Variants in FSTL5 observed in about 807,000 individuals in gnomAD.
The protein encoded by FSTL5 is follistatin like 5.
Under a neutral mutation model 89.1 loss-of-function variants are expected in FSTL5, and 62 were observed. That is an observed-to-expected ratio of 0.70 (90% confidence interval 0.57 to 0.86). The LOEUF is 0.86. Ranked by LOEUF, FSTL5 falls within the 40% of genes least tolerant of loss-of-function variation. FSTL5 has a pLI of 0.00. For synonymous variants in FSTL5, 383 were observed against 346.2 expected (o/e 1.11, Z -1.18); for missense variants, 1,057 against 1,001.6 (o/e 1.06, Z -0.75).
chr4:161,802,970 T>C (rs886804280), intron 4 of FSTL5, among the ~76,000 whole-genome samples: 5 of 151,956 alleles, frequency 3.3e-5, no homozygotes, highest in African/African-American at 1.2e-4. Context: ...AATTAAAATA[T>C]AAAACACACA....
intron 9 of FSTL5, among the ~76,000 whole-genome samples, chr4:161,540,316 T>TGACCTTTCCAGTTAGG (rs1731776562): frequency 6.6e-6 from 1 of 152,184 alleles, no homozygotes; most frequent in Admixed American, 6.6e-5. Flanking sequence ...TCATTTCACT[T>TGACCTTTCCAGTTAGG]GACCTTTCCA....
intron 4 of FSTL5, among the ~76,000 whole-genome samples, chr4:161,909,916 C>T (rs1036732207): frequency 3.3e-5 from 5 of 152,052 alleles, no homozygotes; most frequent in Admixed American, 2.6e-4. Context: ...ATACTGAATA[C>T]TGAATATTGA....
intron 3 of FSTL5, among the ~76,000 whole-genome samples, chr4:161,974,372 C>A (rs1279529797): frequency 1.3e-5 from 2 of 150,250 alleles, no homozygotes; most frequent in Non-Finnish European, 3.0e-5. Flanking sequence ...CTACAGTAAC[C>A]AAAACAGCAT....
chr4:161,992,467 G>A (rs1437833377), intron 3 of FSTL5, among the ~76,000 whole-genome samples: 1 of 152,054 alleles, frequency 6.6e-6, no homozygotes, highest in Admixed American at 6.6e-5. Flanking sequence ...AGAGAAGGAA[G>A]GAGTAACCAT....
chr4:161,842,389 A>G (rs774733539), intron 4 of FSTL5, among the ~76,000 whole-genome samples: 9 of 152,224 alleles, frequency 5.9e-5, no homozygotes, highest in Non-Finnish European at 1.3e-4. Flanking sequence ...GTTACAAATC[A>G]TCCAGTAACA....
chr4:161,848,135 T>C (rs558177112), intron 4 of FSTL5, among the ~76,000 whole-genome samples: 55 of 151,582 alleles, frequency 3.6e-4, no homozygotes, highest in African/African-American at 1.3e-3. Context: ...GTCTGCAGCA[T>C]TGCAAACTTA....
At chr4:161,976,496 T>G (rs1356994817) in intron 3 of FSTL5, among the ~76,000 whole-genome samples, 4 of 152,170 alleles carry the variant, frequency 2.6e-5, no homozygotes, top group Admixed American at 6.5e-5. Flanking sequence ...TTGTTGTTGT[T>G]GCTGAGTCGG....
rs1397293159 is a variant in FSTL5, at chr4:161,529,509, A to C, written c.1312+8657T>G. Among the ~76,000 whole-genome samples, 3 of 142,584 alleles carry C rather than the reference A, an allele frequency of 2.1e-5. 1 individual carries two copies. In the Admixed American group the frequency reaches 2.3e-4, roughly 11 times the overall value. The allele number at this position is 142,584 out of a possible 152,430, so 93.5% of individuals were successfully genotyped here. A position where few individuals can be genotyped will look rare whatever the true frequency, so the allele number is the denominator to read the frequency against. On this transcript the variant is annotated intron_variant, in intron 10 of 15. Transcript: ENST00000306100. ...TCTTCATCTTAAGACATTTTATTTC[A>C]TAATAACCTTATTGCTATATAAATC...
At chr4:161,845,679 T>C (rs1731344125) in intron 4 of FSTL5, among the ~76,000 whole-genome samples, 1 of 152,234 alleles carries the variant, frequency 6.6e-6, no homozygotes, top group Non-Finnish European at 1.5e-5. Context: ...GTTTATAATG[T>C]AACTCATTAC....
intron 4 of FSTL5, among the ~76,000 whole-genome samples, chr4:161,801,694 AT>A (rs1729798609): frequency 6.6e-6 from 1 of 150,996 alleles, no homozygotes; most frequent in African/African-American, 2.4e-5. Context: ...ATATATAAAT[AT>A]TTATAAGTAT....
intron 8 of FSTL5, among the ~76,000 whole-genome samples, chr4:161,563,873 G>A (rs1180073173): frequency 6.6e-6 from 1 of 151,922 alleles, no homozygotes; most frequent in Non-Finnish European, 1.5e-5. Flanking sequence ...AGTTTTCTAA[G>A]TAGTAGCGCC....
At chr4:161,574,332 T>C (rs1005976487) in intron 8 of FSTL5, among the ~76,000 whole-genome samples, 7 of 150,398 alleles carry the variant, frequency 4.7e-5, no homozygotes, top group African/African-American at 1.7e-4. Flanking sequence ...CTTTCCTTTT[T>C]CTTTTTTTTT....
chr4:161,525,026 G>T (rs1731170181), intron 10 of FSTL5, among the ~76,000 whole-genome samples: 1 of 151,918 alleles, frequency 6.6e-6, no homozygotes, highest in African/African-American at 2.4e-5. Context: ...AGCTATGGAA[G>T]TGTCACTACA....
rs546866798 is a variant in FSTL5, at chr4:161,656,580, G to A, written c.728-86C>T. 21 of 748,854 alleles carry A rather than the reference G, an allele frequency of 2.8e-5. No individual in the cohort carries two copies. In the African/African-American group the frequency reaches 3.6e-4, roughly 13 times the overall value. 46.4% of individuals were successfully genotyped at this position (748,854 alleles called of 1,614,324 possible). A position where few individuals can be genotyped will look rare whatever the true frequency, so the allele number is the denominator to read the frequency against. On this transcript the variant is annotated intron_variant, in intron 6 of 15. Transcript: ENST00000306100. ...AAAATTTCTGAATACTAGTAATTAAGGCTTTTAATTTGAATAAAAGGGAAA... is the reference window on the plus strand; with the variant it reads ...AAAATTTCTGAATACTAGTAATTAAAGCTTTTAATTTGAATAAAAGGGAAA...
chr4:161,900,673 A>G (rs1442825167), intron 4 of FSTL5, among the ~76,000 whole-genome samples: 5 of 149,848 alleles, frequency 3.3e-5, no homozygotes, highest in Admixed American at 3.3e-4. Flanking sequence ...GAAAGAAAGA[A>G]AGAAAAGAAA....
At chr4:161,476,967 T>C (rs1189827040) in intron 13 of FSTL5, among the ~76,000 whole-genome samples, 1 of 152,170 alleles carries the variant, frequency 6.6e-6, no homozygotes, top group Admixed American at 6.5e-5. Flanking sequence ...GTTAATATTT[T>C]AATAGGCCAT....
At chr4:161,747,988 G>A (rs1740260775) in intron 6 of FSTL5, among the ~76,000 whole-genome samples, 1 of 151,874 alleles carries the variant, frequency 6.6e-6, no homozygotes. Context: ...AACACTATAT[G>A]GATAGAGGTA....
chr4:161,414,345 A>T (rs1731702000), intron 15 of FSTL5, among the ~76,000 whole-genome samples: 1 of 152,150 alleles, frequency 6.6e-6, no homozygotes, highest in African/African-American at 2.4e-5. Context: ...AAAAACCATA[A>T]TCATCTGTAG....
chr4:161,449,510 C>T (rs183592930), intron 15 of FSTL5, among the ~76,000 whole-genome samples: 1 of 152,222 alleles, frequency 6.6e-6, no homozygotes, highest in Admixed American at 6.5e-5. Context: ...CAAGTTTATG[C>T]CTTCTCTTAT....
Sources: gnomAD v4.1 joint callset for allele counts (sites outside exome capture counted in the v4.1 genomes callset) on GRCh38, gnomAD v4.1.1 for gene constraint, MANE v1.5 for transcripts, NCBI Gene and HGNC (gene_info 2026-07-23, HGNC 2026-07-21) for gene names.